AUTS2: variants seen among roughly 807,000 people sequenced by gnomAD.
AUTS2 encodes activator of transcription and developmental regulator AUTS2, also known as autism susceptibility gene 2 protein.
Under a neutral mutation model 112.4 loss-of-function variants are expected in AUTS2, and 17 were observed. The observed-to-expected ratio is 0.15, with a 90% CI of 0.10 to 0.23. AUTS2 has a LOEUF of 0.23. Ranked by LOEUF, AUTS2 falls within the 10% of genes least tolerant of loss-of-function variation. The pLI is 1.00. For synonymous variants in AUTS2, 751 were observed against 702.7 expected (o/e 1.07, Z -1.09); for missense variants, 1,510 against 1,701.6 (o/e 0.89, Z 1.98).
intron 5 of AUTS2, among the ~76,000 whole-genome samples, chr7:70,511,572 T>C (rs1158687446): frequency 2.3e-5 from 3 of 128,154 alleles, no homozygotes; most frequent in Non-Finnish European, 5.0e-5. Flanking sequence ...TTTTTTTTTT[T>C]TTTTTTTTTT....
At chr7:70,704,250 G>A (rs968154933) in intron 6 of AUTS2, among the ~76,000 whole-genome samples, 15 of 152,230 alleles carry the variant, frequency 9.9e-5, no homozygotes, top group African/African-American at 3.6e-4. Flanking sequence ...CACTGGAATT[G>A]TGAACCGGGT....
intron 3 of AUTS2, among the ~76,000 whole-genome samples, chr7:70,130,899 C>T (rs897550518): frequency 2.0e-5 from 3 of 152,148 alleles, no homozygotes; most frequent in African/African-American, 7.2e-5. Flanking sequence ...AATGAAATGG[C>T]AACTCTACCA....
At chr7:70,185,519 A>G (rs1809555109) in intron 4 of AUTS2, among the ~76,000 whole-genome samples, 1 of 152,150 alleles carries the variant, frequency 6.6e-6, no homozygotes, top group Non-Finnish European at 1.5e-5. Context: ...GCAGGAGGAC[A>G]TGCATCATAT....
intron 1 of AUTS2, among the ~76,000 whole-genome samples, chr7:69,636,389 C>A (rs1424331457): frequency 6.6e-6 from 1 of 151,492 alleles, no homozygotes; most frequent in African/African-American, 2.4e-5. Context: ...TGTGTGCCAC[C>A]ACACGTGGCT....
At chr7:70,556,410 A>G (rs2129521363) in intron 5 of AUTS2, among the ~76,000 whole-genome samples, 1 of 152,336 alleles carries the variant, frequency 6.6e-6, no homozygotes, top group Middle Eastern at 3.4e-3. Flanking sequence ...ACATCTGCCT[A>G]TCTTGCAGTA....
At chr7:69,953,685 A>C (rs1797112121) in intron 2 of AUTS2, among the ~76,000 whole-genome samples, 1 of 152,220 alleles carries the variant, frequency 6.6e-6, no homozygotes, top group Non-Finnish European at 1.5e-5. Context: ...CTTTGGGTAC[A>C]TAAGCCGTTA....
At chr7:70,117,412 C>CT (rs1805439928) in intron 2 of AUTS2, among the ~76,000 whole-genome samples, 1 of 151,658 alleles carries the variant, frequency 6.6e-6, no homozygotes, top group Admixed American at 6.6e-5. Context: ...TGATTTGTTT[C>CT]TTTTTTTGAG....
chr7:69,620,584 ATTG>A (rs1793609201), intron 1 of AUTS2, among the ~76,000 whole-genome samples: 2 of 152,206 alleles, frequency 1.3e-5, no homozygotes, highest in Admixed American at 1.3e-4. Context: ...TTCATCAGAT[ATTG>A]TTGTCGACTA....
Position 70,118,244 on chromosome 7 carries a change from G to C in AUTS2, c.624+11G>C, listed in dbSNP as rs766589991. ...GAAAGGCTCAGTGATGTAAGTTTAA[G>C]TAAAAAAAAAAAAAAAAAAAAAATT... On this transcript the variant is annotated intron_variant, in intron 3 of 18. Transcript: ENST00000342771. The C allele has an allele frequency of 4.2e-5, 32 of 754,096 alleles. No homozygotes were observed. Among genetic ancestry groups the C allele is most frequent in the Non-Finnish European group, 5.6e-5 (32 of 569,282 alleles). The allele number at this position is 754,096 out of a possible 1,614,324, so 46.7% of individuals were successfully genotyped here. A position where few individuals can be genotyped will look rare whatever the true frequency, so the allele number is the denominator to read the frequency against.
chr7:70,605,272 G>A (rs1196160842), intron 5 of AUTS2, among the ~76,000 whole-genome samples: 1 of 152,172 alleles, frequency 6.6e-6, no homozygotes, highest in African/African-American at 2.4e-5. Context: ...GTCGTTGCCT[G>A]TTCCTGGTTT....
At chr7:70,373,335 C>G (rs1189580330) in intron 4 of AUTS2, among the ~76,000 whole-genome samples, 1 of 151,912 alleles carries the variant, frequency 6.6e-6, no homozygotes, top group African/African-American at 2.4e-5. Context: ...AGAGAGCACC[C>G]GATTAAATTG....
chr7:69,891,774 C>CTTTTTTTTTTTTT lies in AUTS2; in HGVS notation c.310-7487_310-7475dup, dbSNP rs763424098. Among the ~76,000 whole-genome samples, 37 of 26,736 alleles carry CTTTTTTTTTTTTT rather than the reference C, an allele frequency of 1.4e-3. 15 individuals are homozygous for CTTTTTTTTTTTTT. The highest frequency in any genetic ancestry group is 7.3e-3 in the East Asian group (5 of 682). 17.5% of individuals were successfully genotyped at this position (26,736 alleles called of 152,430 possible). On this transcript the variant is annotated intron_variant, in intron 1 of 18. Coordinates refer to ENST00000342771, the MANE Select transcript of AUTS2 (RefSeq NM_015570.4). ...ATTCATTCACTTTCCAGACAGATAT[C>CTTTTTTTTTTTTT]TTTTTTTTTTTTTTTTTTTTTTTTT...
At chr7:70,263,873 A>G (rs1017329764) in intron 4 of AUTS2, among the ~76,000 whole-genome samples, 7 of 152,202 alleles carry the variant, frequency 4.6e-5, no homozygotes, top group Non-Finnish European at 8.8e-5. Context: ...ACTCTACTTA[A>G]TAATTTCCTT....
intron 2 of AUTS2, among the ~76,000 whole-genome samples, chr7:70,090,983 C>T (rs572980240): frequency 1.3e-5 from 2 of 152,080 alleles, no homozygotes; most frequent in Non-Finnish European, 1.5e-5. Flanking sequence ...CCTGGCCTAA[C>T]GTTTCTTGAA....
At chr7:69,677,916 T>C (rs1169931678) in intron 1 of AUTS2, among the ~76,000 whole-genome samples, 5 of 152,196 alleles carry the variant, frequency 3.3e-5, no homozygotes, top group Admixed American at 2.6e-4. Context: ...AGATTCTATT[T>C]TGAGTTTTGG....
At chr7:70,282,510 G>A (rs944137730) in intron 4 of AUTS2, among the ~76,000 whole-genome samples, 3 of 152,126 alleles carry the variant, frequency 2.0e-5, no homozygotes, top group Non-Finnish European at 4.4e-5. Flanking sequence ...CATGGTAGAA[G>A]GGGTACACGA....
At chr7:70,142,245 T>C (rs1806907949) in intron 4 of AUTS2, among the ~76,000 whole-genome samples, 1 of 152,090 alleles carries the variant, frequency 6.6e-6, no homozygotes, top group African/African-American at 2.4e-5. Context: ...CTCTGGCCCC[T>C]CAGATTTAGA....
At chr7:70,121,020 A>G (rs1442380703) in intron 3 of AUTS2, among the ~76,000 whole-genome samples, 3 of 152,168 alleles carry the variant, frequency 2.0e-5, no homozygotes, top group Non-Finnish European at 4.4e-5. Flanking sequence ...ATGGAGTAGA[A>G]TGGAGAGCCC....
chr7:69,885,985 G>T (rs907491639), intron 1 of AUTS2, among the ~76,000 whole-genome samples: 5 of 152,198 alleles, frequency 3.3e-5, no homozygotes, highest in African/African-American at 1.2e-4. Context: ...TATTTGAAAG[G>T]CTGGAAAATG....
Sources: allele counts gnomAD v4.1 joint callset (sites outside exome capture counted in the v4.1 genomes callset), GRCh38; gene constraint gnomAD v4.1.1; transcripts MANE v1.5; gene names NCBI Gene and HGNC (gene_info 2026-07-23, HGNC 2026-07-21).